The following PKIB variants were observed in gnomAD, a reference collection of about 807,000 sequenced individuals.
PKIB encodes cAMP-dependent protein kinase inhibitor beta, also known as PKI-beta.
A neutral mutation model predicts 4.5 loss-of-function variants in PKIB; 2 were observed. The ratio of observed to expected loss-of-function variants is 0.44; its 90% confidence interval spans 0.18 to 1.39. The LOEUF is 1.39. Among genes scored for constraint, PKIB ranks in the 40% most tolerant of loss-of-function variants. The pLI, the probability that PKIB is intolerant of heterozygous loss-of-function variation, is 0.27. For synonymous variants in PKIB, 38 were observed against 36.0 expected (o/e 1.06, Z -0.20); for missense variants, 94 against 92.6 (o/e 1.02, Z -0.06).
chr6:122,702,444 C>T (rs1320592125), intron 3 of PKIB, among the ~76,000 whole-genome samples: 1 of 150,568 alleles, frequency 6.6e-6, no homozygotes, highest in Non-Finnish European at 1.5e-5. Context: ...ATTCTCCTGC[C>T]TCACGCTCCT....
At chr6:122,709,279 T>C (rs4946628) in intron 3 of PKIB, among the ~76,000 whole-genome samples, 49,099 of 151,998 alleles carry the variant, frequency 0.32, 9,149 homozygotes, top group South Asian at 0.56. Flanking sequence ...TTCCCATTGC[T>C]CCATATAGAC....
chr6:122,644,430 C>T (rs1340619426), intron 2 of PKIB: 1 of 152,148 alleles, frequency 6.6e-6, no homozygotes, highest in Non-Finnish European at 1.5e-5. Context: ...GGGGATCAAA[C>T]CATTGATCGC....
intron 3 of PKIB, among the ~76,000 whole-genome samples, chr6:122,690,061 A>G (rs559953177): frequency 3.9e-4 from 60 of 151,904 alleles, no homozygotes; most frequent in Non-Finnish European, 7.5e-4. Flanking sequence ...TGATATAAGT[A>G]TAGTTACTCC....
At chr6:122,701,646 C>T (rs1277992152) in intron 3 of PKIB, 9 of 910,736 alleles carry the variant, frequency 9.9e-6, no homozygotes, top group Non-Finnish European at 1.5e-5. Flanking sequence ...AACTCAGAAC[C>T]AAATAACCAA....
At chr6:122,702,491 GC>G (rs767387528) in intron 3 of PKIB, among the ~76,000 whole-genome samples, 4 of 151,788 alleles carry the variant, frequency 2.6e-5, no homozygotes, top group Non-Finnish European at 4.4e-5. Flanking sequence ...ACCACACCCA[GC>G]TAATTCTTAT....
chr6:122,657,918 T>C (rs1776837688), intron 2 of PKIB, among the ~76,000 whole-genome samples: 1 of 152,194 alleles, frequency 6.6e-6, no homozygotes, highest in Non-Finnish European at 1.5e-5. Flanking sequence ...ATCAGATATG[T>C]GTGGTGTGTA....
intron 2 of PKIB, among the ~76,000 whole-genome samples, chr6:122,546,567 A>G (rs1772499820): frequency 6.6e-6 from 1 of 152,144 alleles, no homozygotes; most frequent in Admixed American, 6.5e-5. Flanking sequence ...TGTAATGTCT[A>G]ACTATATATA....
chr6:122,699,081 G>A (rs1243550663), intron 3 of PKIB, among the ~76,000 whole-genome samples: 2 of 152,116 alleles, frequency 1.3e-5, no homozygotes, highest in Non-Finnish European at 2.9e-5. Flanking sequence ...AAAGGTGGAT[G>A]TCATTAAGAT....
chr6:122,679,603 T>A (rs1315801107), intron 3 of PKIB, among the ~76,000 whole-genome samples: 1 of 152,168 alleles, frequency 6.6e-6, no homozygotes, highest in East Asian at 1.9e-4. Flanking sequence ...AGAGTTTATA[T>A]GACTTGATCA....
rs1263997978 is a variant in PKIB at position 122,725,619 on chromosome 6, A to C, written c.*424A>C. On this transcript the variant is annotated 3_prime_UTR_variant, in exon 5 of 5. Coordinates refer to ENST00000368452, the MANE Select transcript of PKIB (RefSeq NM_181795.3). ...ATGGAATTTGTAGAAAATTATGGACATTTTTGGTGAGAAAGAACAATAGTC... is the reference window on the plus strand; with the variant it reads ...ATGGAATTTGTAGAAAATTATGGACCTTTTTGGTGAGAAAGAACAATAGTC... 1 of 154,276 alleles carries C rather than the reference A, an allele frequency of 6.5e-6. No homozygotes were observed. The highest frequency in any genetic ancestry group is 1.4e-5 in the Non-Finnish European group (1 of 69,472). 9.6% of individuals were successfully genotyped at this position (154,276 alleles called of 1,614,324 possible). A position where few individuals can be genotyped will look rare whatever the true frequency, so the allele number is the denominator to read the frequency against.
chr6:122,682,086 C>G (rs1225850061), intron 3 of PKIB, among the ~76,000 whole-genome samples: 2 of 152,054 alleles, frequency 1.3e-5, no homozygotes, highest in East Asian at 1.9e-4. Context: ...AGTTATCTAG[C>G]CTTTCAATAT....
chr6:122,549,884 T>TTA (rs573461987), intron 2 of PKIB, among the ~76,000 whole-genome samples: 3 of 145,898 alleles, frequency 2.1e-5, no homozygotes, highest in East Asian at 2.0e-4. Flanking sequence ...ATATATAATT[T>TTA]TATATATACA....
chr6:122,525,750 A>G (rs1481390213), intron 2 of PKIB, among the ~76,000 whole-genome samples: 1 of 152,116 alleles, frequency 6.6e-6, no homozygotes, highest in Non-Finnish European at 1.5e-5. Context: ...TCTTGCCTTT[A>G]TGTTGATGGT....
chr6:122,682,442 A>C (rs1366459484), intron 3 of PKIB, among the ~76,000 whole-genome samples: 1 of 152,170 alleles, frequency 6.6e-6, no homozygotes, highest in Non-Finnish European at 1.5e-5. Flanking sequence ...TTTTATAAAA[A>C]ATAATTTATT....
chr6:122,531,233 A>C (rs1777247579), intron 2 of PKIB: 2 of 152,146 alleles, frequency 1.3e-5, no homozygotes, highest in Admixed American at 1.3e-4. Flanking sequence ...GTAAATACAA[A>C]ATTAGTTTCT....
At position 122,640,739 on chromosome 6, in the gene PKIB, C is replaced by T. The variant is rs552712427; in HGVS notation, c.-76+7372C>T. On this transcript the variant is annotated intron_variant, in intron 2 of 4. Coordinates refer to ENST00000368452, the MANE Select transcript of PKIB (RefSeq NM_181795.3). ...AGACACATAAAGCAATTAGTGATTG[C>T]CGGTAAGAACGTTAACTCAACGAAC... Among the ~76,000 whole-genome samples, 4 of 152,284 alleles carry T rather than the reference C, an allele frequency of 2.6e-5. No homozygotes were observed. The South Asian group carries it at 8.3e-4, about 32-fold the overall frequency.
At chr6:122,670,275 C>A (rs184283178) in intron 2 of PKIB, among the ~76,000 whole-genome samples, 1 of 152,014 alleles carries the variant, frequency 6.6e-6, no homozygotes, top group Non-Finnish European at 1.5e-5. Context: ...TGGCTGTGTA[C>A]CCAGCTAAAC....
At position 122,516,419 on chromosome 6, in the gene PKIB, T is replaced by G. The variant is rs1562236310; in HGVS notation, c.-248+38480T>G. Reference sequence around the variant, plus strand: ...CTTGCATGCTCCTCTTTTATGGTTGTGATCACTAATGCTCAGTCACTTGTT... The same window carrying G: ...CTTGCATGCTCCTCTTTTATGGTTGGGATCACTAATGCTCAGTCACTTGTT... On this transcript the variant is annotated intron_variant, in intron 2 of 6. Transcript: ENST00000392491. Among the ~76,000 whole-genome samples the G allele has an allele frequency of 2.6e-5, 4 of 152,262 alleles. No homozygotes were observed. The South Asian group carries it at 8.3e-4, about 31-fold the overall frequency.
intron 2 of PKIB, among the ~76,000 whole-genome samples, chr6:122,520,503 A>G (rs1039419954): frequency 1.3e-5 from 2 of 152,204 alleles, no homozygotes; most frequent in Non-Finnish European, 2.9e-5. Context: ...TGCAGATGGT[A>G]TAAAATTGAG....
Sources: allele counts gnomAD v4.1 joint callset (sites outside exome capture counted in the v4.1 genomes callset), GRCh38; gene constraint gnomAD v4.1.1; transcripts MANE v1.5; gene names NCBI Gene and HGNC (gene_info 2026-07-23, HGNC 2026-07-21).